The following DACH2 variants were observed in gnomAD, a reference collection of about 807,000 sequenced individuals.
DACH2 encodes the protein dachshund family transcription factor 2.
In DACH2, 17 loss-of-function variants were observed where a neutral mutation model predicts 35.8. The observed-to-expected ratio is 0.48, with a 90% CI of 0.33 to 0.71. The LOEUF is 0.71. Among genes scored for constraint, DACH2 ranks in the 30% least tolerant of loss-of-function variants. DACH2 has a pLI of 0.02. For missense variants in DACH2, 469 were observed against 472.7 expected (o/e 0.99, Z 0.07); for synonymous variants, 195 against 177.3 (o/e 1.10, Z -0.79).
intron 1 of DACH2, among the ~76,000 whole-genome samples, chrX:86,262,029 C>A (rs1305251976): frequency 2.7e-5 from 3 of 110,388 alleles, no homozygotes; most frequent in Non-Finnish European, 5.7e-5. Flanking sequence ...ACCAGTAATC[C>A]CAGCACTTTG....
At chrX:86,308,400 A>C (rs1231879545) in intron 1 of DACH2, among the ~76,000 whole-genome samples, 2 of 112,394 alleles carry the variant, frequency 1.8e-5, no homozygotes, top group Non-Finnish European at 3.8e-5. Flanking sequence ...GCAAAGCAGC[A>C]ATCGTGTAGA....
chrX:86,672,091 A>T (rs2148425440), intron 4 of DACH2, among the ~76,000 whole-genome samples: 1 of 111,838 alleles, frequency 8.9e-6, no homozygotes, highest in African/African-American at 3.2e-5. Flanking sequence ...CTTGAGAGAG[A>T]TGATTTAGAG....
intron 11 of DACH2, among the ~76,000 whole-genome samples, chrX:86,819,708 T>C (rs1000093282): frequency 1.8e-5 from 2 of 111,800 alleles, no homozygotes; most frequent in African/African-American, 6.5e-5. Flanking sequence ...TTACATTTGA[T>C]TGCCTGCGCC....
intron 1 of DACH2, among the ~76,000 whole-genome samples, chrX:86,293,558 G>T (rs1364879872): frequency 9.1e-6 from 1 of 110,129 alleles, no homozygotes; most frequent in African/African-American, 3.3e-5. Context: ...GCAGCGGCTG[G>T]TACCGGTTGT....
chrX:86,536,929 T>C (rs1248092242), intron 3 of DACH2, among the ~76,000 whole-genome samples: 1 of 111,196 alleles, frequency 9.0e-6, no homozygotes, highest in Non-Finnish European at 1.9e-5. Flanking sequence ...AGAAATATAT[T>C]GGCTCACAGT....
intron 2 of DACH2, among the ~76,000 whole-genome samples, chrX:86,467,909 G>A (rs760171162): frequency 9.0e-6 from 1 of 111,299 alleles, no homozygotes; most frequent in Non-Finnish European, 1.9e-5. Context: ...AGAAGAGCAC[G>A]GAGGTAAATG....
chrX:86,325,168 T>C (rs1569349664), intron 1 of DACH2, among the ~76,000 whole-genome samples: 2 of 111,500 alleles, frequency 1.8e-5, no homozygotes, highest in African/African-American at 6.5e-5. Context: ...CCGTAATATC[T>C]CCAAACCCGT....
intron 1 of DACH2, among the ~76,000 whole-genome samples, chrX:86,199,854 A>G (rs2032099835): frequency 8.9e-6 from 1 of 112,307 alleles, no homozygotes; most frequent in South Asian, 3.7e-4. Flanking sequence ...TAATATCATT[A>G]CAATGGCCAT....
chrX:86,157,122 T>C (rs771515874), intron 1 of DACH2, among the ~76,000 whole-genome samples: 1 of 111,643 alleles, frequency 9.0e-6, no homozygotes, highest in South Asian at 3.7e-4. Context: ...AACTTTGTAA[T>C]TATACTACTG....
intron 1 of DACH2, among the ~76,000 whole-genome samples, chrX:86,220,849 T>C (rs1362019946): frequency 2.7e-5 from 3 of 112,378 alleles, no homozygotes; most frequent in African/African-American, 9.7e-5. Context: ...GTATAAGGAT[T>C]ACAATTTCTT....
At chrX:86,413,513 C>T (rs755988607) in intron 2 of DACH2, among the ~76,000 whole-genome samples, 1 of 112,008 alleles carries the variant, frequency 8.9e-6, no homozygotes, top group Admixed American at 9.5e-5. Context: ...CACTGTCATT[C>T]TCCAATATCC....
intron 2 of DACH2, among the ~76,000 whole-genome samples, chrX:86,401,180 G>T (rs141189407): frequency 0.012 from 1,368 of 112,546 alleles, 19 homozygotes; most frequent in African/African-American, 0.04. Flanking sequence ...CTCCAAGCCA[G>T]GTGCAGGATA....
intron 1 of DACH2, among the ~76,000 whole-genome samples, chrX:86,215,422 G>A (rs189426509): frequency 3.6e-5 from 4 of 111,671 alleles, no homozygotes; most frequent in South Asian, 7.5e-4. Context: ...GCCATAGCTC[G>A]TCATATATAA....
At chrX:86,811,190 TG>T (rs1398871020) in intron 7 of DACH2, among the ~76,000 whole-genome samples, 2 of 111,897 alleles carry the variant, frequency 1.8e-5, no homozygotes, top group Non-Finnish European at 3.8e-5. Context: ...GCTATTGGTT[TG>T]GAAAAATAAA....
At chrX:86,482,809 C>T (rs1054418372) in intron 2 of DACH2, among the ~76,000 whole-genome samples, 38 of 110,116 alleles carry the variant, frequency 3.5e-4, no homozygotes, top group African/African-American at 1.7e-4. Flanking sequence ...ACTATGCAGC[C>T]GTAAAAAATG....
chrX:86,400,547 A>T (rs1050397410), intron 2 of DACH2, among the ~76,000 whole-genome samples: 8 of 111,442 alleles, frequency 7.2e-5, no homozygotes, highest in African/African-American at 2.3e-4. Flanking sequence ...TGACGTACAG[A>T]TGGGTTTTTG....
chrX:86,336,829 A>G (rs747981248), intron 1 of DACH2, among the ~76,000 whole-genome samples: 1 of 109,732 alleles, frequency 9.1e-6, no homozygotes, highest in South Asian at 3.9e-4. Context: ...AGAACCTTGA[A>G]AACAGGTTAG....
intron 2 of DACH2, among the ~76,000 whole-genome samples, chrX:86,414,461 T>C (rs1417530183): frequency 9.0e-6 from 1 of 111,561 alleles, no homozygotes; most frequent in Non-Finnish European, 1.9e-5. Flanking sequence ...ATTCCCATTG[T>C]ATTTAAATTT....
At chrX:86,606,542 C>A (rs780407601) in intron 3 of DACH2, among the ~76,000 whole-genome samples, 2 of 105,296 alleles carry the variant, frequency 1.9e-5, no homozygotes, top group Non-Finnish European at 4.0e-5. Context: ...TTTATTGTGG[C>A]CAGAGAAGAT....
Sources: allele counts gnomAD v4.1 joint callset (sites outside exome capture counted in the v4.1 genomes callset), GRCh38; gene constraint gnomAD v4.1.1; transcripts MANE v1.5; gene names NCBI Gene and HGNC (gene_info 2026-07-23, HGNC 2026-07-21).